The following DNM3 variants were observed in gnomAD, a reference collection of about 807,000 sequenced individuals.
DNM3 encodes dynamin-3.
A neutral mutation model predicts 101.6 loss-of-function variants in DNM3; 47 were observed. That is an observed-to-expected ratio of 0.46 (90% confidence interval 0.37 to 0.59). The LOEUF (loss-of-function observed/expected upper bound fraction) is 0.59. DNM3 is among the 20% of genes least tolerant of loss of function. The pLI, the probability that DNM3 is intolerant of heterozygous loss-of-function variation, is 0.00. For missense variants in DNM3, 849 were observed against 1,085.7 expected, an observed-to-expected ratio of 0.78 and a Z score of 3.06; for synonymous variants, 385 against 387.9, an observed-to-expected ratio of 0.99 and a Z score of 0.09.
intron 1 of DNM3, among the ~76,000 whole-genome samples, chr1:171,863,595 A>T (rs921823973): frequency 5.3e-5 from 8 of 152,218 alleles, no homozygotes; most frequent in Admixed American, 2.6e-4. Context: ...CCTGTTACCC[A>T]GCTTCTAAGC....
At chr1:172,356,189 A>G (rs531312361) in intron 17 of DNM3, among the ~76,000 whole-genome samples, 131 of 152,268 alleles carry the variant, frequency 8.6e-4, no homozygotes, top group Non-Finnish European at 1.6e-3. Flanking sequence ...AAACGAAAAA[A>G]TGTACTTTAG....
chr1:172,065,101 G>A (rs1265122726), intron 10 of DNM3, among the ~76,000 whole-genome samples: 1 of 152,150 alleles, frequency 6.6e-6, no homozygotes, highest in Non-Finnish European at 1.5e-5. Context: ...CTACTTCATG[G>A]GATATTCTTG....
chr1:172,026,919 C>T lies in DNM3; in HGVS notation c.590-5483C>T, dbSNP rs560330756. Among the ~76,000 whole-genome samples the T allele has an allele frequency of 1.1e-4, 16 of 152,236 alleles. No individual in the cohort carries two copies. The South Asian group carries it at 3.3e-3, about 32-fold the overall frequency. ...CCACCCACCTCAGCCTCCCAAAGTGCTGGGATTACAGGTGTGATCAACATT... is the reference window on the plus strand; with the variant it reads ...CCACCCACCTCAGCCTCCCAAAGTGTTGGGATTACAGGTGTGATCAACATT... On this transcript the variant is annotated intron_variant, in intron 4 of 20. Transcript: ENST00000627582.
At chr1:172,050,699 T>G (rs918659227) in intron 10 of DNM3, among the ~76,000 whole-genome samples, 1 of 152,176 alleles carries the variant, frequency 6.6e-6, no homozygotes. Flanking sequence ...CTCCCTCCAC[T>G]GTAAAGAAAG....
chr1:172,147,627 C>G (rs575478128), intron 14 of DNM3, among the ~76,000 whole-genome samples: 2 of 152,102 alleles, frequency 1.3e-5, no homozygotes, highest in Admixed American at 6.6e-5. Context: ...TTCTGTGTAC[C>G]TCTAAAGGGG....
intron 16 of DNM3, among the ~76,000 whole-genome samples, chr1:172,318,004 C>A (rs1249681941): frequency 3.9e-5 from 6 of 152,206 alleles, no homozygotes; most frequent in African/African-American, 1.4e-4. Flanking sequence ...TACTGGCAAA[C>A]TGAATCCAGC....
At chr1:172,274,739 T>TTTA (rs1553217521) in intron 15 of DNM3, among the ~76,000 whole-genome samples, 3 of 148,440 alleles carry the variant, frequency 2.0e-5, no homozygotes, top group Non-Finnish European at 3.0e-5. Flanking sequence ...TTTTTTTTTT[T>TTTA]AATTTTCAAT....
intron 2 of DNM3, among the ~76,000 whole-genome samples, chr1:171,974,141 T>A (rs1365632340): frequency 6.6e-6 from 1 of 152,204 alleles, no homozygotes; most frequent in Non-Finnish European, 1.5e-5. Context: ...ATATTTTGGA[T>A]AGACTTCTAA....
rs752990905 is a variant in DNM3 at position 171,847,896 on chromosome 1, CTGTGTGTGTGTGTG to C, written c.161+6102_161+6115del. ...TATTAATTACTCTCTCTCTCTCTCT[CTGTGTGTGTGTGTG>C]TGTGTGTGTGTGTGTGTGTGTGATC... On this transcript the variant is annotated intron_variant, in intron 1 of 20. Transcript: ENST00000627582. Among the ~76,000 whole-genome samples, 110 of 141,238 alleles carry C rather than the reference CTGTGTGTGTGTGTG, an allele frequency of 7.8e-4. 1 individual carries two copies. In the East Asian group the frequency reaches 0.019, roughly 24 times the overall value. 92.7% of individuals were successfully genotyped at this position (141,238 alleles called of 152,430 possible).
At chr1:171,958,233 C>T (rs549993667) in intron 2 of DNM3, among the ~76,000 whole-genome samples, 1 of 152,266 alleles carries the variant, frequency 6.6e-6, no homozygotes, top group Non-Finnish European at 1.5e-5. Flanking sequence ...AAGACCTGTC[C>T]TCATGATTCA....
chr1:172,339,882 A>G (rs1342476264), intron 17 of DNM3, among the ~76,000 whole-genome samples: 2 of 152,222 alleles, frequency 1.3e-5, no homozygotes, highest in Non-Finnish European at 2.9e-5. Flanking sequence ...GGTGATAGAA[A>G]GGTGTGCTCA....
chr1:172,009,039 T>C (rs1232864284), intron 4 of DNM3, among the ~76,000 whole-genome samples: 5 of 138,590 alleles, frequency 3.6e-5, no homozygotes, highest in Non-Finnish European at 7.7e-5. Flanking sequence ...ATACAATATA[T>C]ATTTATATAT....
chr1:172,069,529 T>C (rs1053064736), intron 11 of DNM3, among the ~76,000 whole-genome samples: 5 of 152,202 alleles, frequency 3.3e-5, no homozygotes, highest in Admixed American at 2.6e-4. Context: ...TATTTTCAAG[T>C]GAGGATAATT....
At chr1:172,290,032 G>T in intron 15 of DNM3, 1 of 921,876 alleles carries the variant, frequency 1.1e-6, no homozygotes, top group Non-Finnish European at 1.3e-6. Flanking sequence ...TAAGATCTTT[G>T]TGTCATTAAT....
chr1:171,935,769 C>CTTTTTTTT lies in DNM3; in HGVS notation c.235+13968_235+13975dup. Among the ~76,000 whole-genome samples the CTTTTTTTT allele has an allele frequency of 8.3e-4, 40 of 48,020 alleles. 8 individuals carry two copies. Among genetic ancestry groups the CTTTTTTTT allele is most frequent in the Non-Finnish European group, 1.0e-3 (27 of 25,742 alleles). 31.5% of individuals were successfully genotyped at this position (48,020 alleles called of 152,430 possible). A position where few individuals can be genotyped will look rare whatever the true frequency, so the allele number is the denominator to read the frequency against. ...AATTGGCAAATACTACAAATCAAAA[C>CTTTTTTTT]TTTTTTTTTTTTTTTTTTTTTTTTT... On this transcript the variant is annotated intron_variant, in intron 2 of 20. Transcript: ENST00000627582.
chr1:172,323,915 G>T (rs1328866209), intron 17 of DNM3, among the ~76,000 whole-genome samples: 1 of 152,166 alleles, frequency 6.6e-6, no homozygotes, highest in African/African-American at 2.4e-5. Flanking sequence ...AAGCAGAAGG[G>T]TGTGGGGAAT....
intron 14 of DNM3, among the ~76,000 whole-genome samples, chr1:172,214,647 T>C (rs1373219871): frequency 6.6e-6 from 1 of 152,090 alleles, no homozygotes; most frequent in East Asian, 1.9e-4. Context: ...TATTATATAC[T>C]ATAGTTAATA....
chr1:172,398,347 C>T (rs2070191165), intron 20 of DNM3, among the ~76,000 whole-genome samples: 1 of 152,158 alleles, frequency 6.6e-6, no homozygotes, highest in Non-Finnish European at 1.5e-5. Context: ...GGCAGGCCAG[C>T]AGGATGAGGT....
At chr1:172,003,030 C>A (rs1572037740) in intron 4 of DNM3, among the ~76,000 whole-genome samples, 1 of 152,002 alleles carries the variant, frequency 6.6e-6, no homozygotes, top group Non-Finnish European at 1.5e-5. Context: ...AGAAAAGAAA[C>A]ACTGTTCATG....
Sources: gnomAD v4.1 joint callset for allele counts (sites outside exome capture counted in the v4.1 genomes callset) on GRCh38, gnomAD v4.1.1 for gene constraint, MANE v1.5 for transcripts, NCBI Gene and HGNC (gene_info 2026-07-23, HGNC 2026-07-21) for gene names.